Variants in LRRC7 observed in about 807,000 individuals in gnomAD.
LRRC7 encodes leucine rich repeat containing 7.
LRRC7 carries 23 observed loss-of-function variants against 175.7 expected under a neutral mutation model. The ratio of observed to expected loss-of-function variants is 0.13; its 90% CI spans 0.09 to 0.19. LRRC7 has a LOEUF of 0.19. Among genes scored for constraint, LRRC7 ranks in the 10% least tolerant of loss-of-function variants. The pLI is 1.00. For missense variants in LRRC7, 1,354 were observed against 1,904.7 expected (o/e 0.71, Z 5.38); for synonymous variants, 685 against 680.9 (o/e 1.01, Z -0.09).
chr1:69,879,899 C>T (rs1272416944), intron 7 of LRRC7: 1 of 152,206 alleles, frequency 6.6e-6, no homozygotes, highest in Non-Finnish European at 1.5e-5. Context: ...CTGCCTTGGT[C>T]AGGGTGAACG....
intron 7 of LRRC7, among the ~76,000 whole-genome samples, chr1:69,881,738 A>G (rs1686621526): frequency 3.3e-5 from 5 of 151,720 alleles, no homozygotes; most frequent in Admixed American, 3.3e-4. Flanking sequence ...AAATTAACCA[A>G]GAGTGGTAGT....
intron 2 of LRRC7, among the ~76,000 whole-genome samples, chr1:69,698,279 A>C (rs1038766942): frequency 6.6e-6 from 1 of 152,218 alleles, no homozygotes; most frequent in African/African-American, 2.4e-5. Context: ...TAAGACTTGC[A>C]TATATTCAAG....
intron 22 of LRRC7, among the ~76,000 whole-genome samples, chr1:70,052,082 A>ATT (rs1660791983): frequency 6.6e-6 from 1 of 152,108 alleles, no homozygotes; most frequent in Non-Finnish European, 1.5e-5. Flanking sequence ...GGCATAGGAA[A>ATT]CACTGGAGTA....
intron 7 of LRRC7, among the ~76,000 whole-genome samples, chr1:69,886,953 C>T (rs4272571): frequency 0.56 from 85,384 of 151,450 alleles, 24,174 homozygotes; most frequent in East Asian, 0.7. Flanking sequence ...GCCCCCACTC[C>T]CTTGTGGCTT....
intron 7 of LRRC7, among the ~76,000 whole-genome samples, chr1:69,918,785 A>T (rs2101728264): frequency 6.6e-6 from 1 of 152,316 alleles, no homozygotes; most frequent in South Asian, 2.1e-4. Context: ...CTACGGTCAT[A>T]TAAATAAAAT....
At chr1:69,782,061 C>T (rs1458924762) in intron 3 of LRRC7, among the ~76,000 whole-genome samples, 3 of 152,084 alleles carry the variant, frequency 2.0e-5, no homozygotes, top group Non-Finnish European at 4.4e-5. Flanking sequence ...TAAAAGTTAC[C>T]TCCTGAGATT....
chr1:69,763,283 T>A (rs945213935), intron 3 of LRRC7, among the ~76,000 whole-genome samples: 1 of 151,960 alleles, frequency 6.6e-6, no homozygotes, highest in African/African-American at 2.4e-5. Flanking sequence ...CGAAGCTGAC[T>A]TTTCTCATGG....
chr1:70,074,605 C>A (rs941907411), intron 23 of LRRC7, among the ~76,000 whole-genome samples: 2 of 152,108 alleles, frequency 1.3e-5, no homozygotes, highest in African/African-American at 4.8e-5. Flanking sequence ...TTTTTTGCAT[C>A]TTTTCCTCCC....
chr1:69,878,767 ACT>A (rs139124927), intron 7 of LRRC7, among the ~76,000 whole-genome samples: 76 of 150,942 alleles, frequency 5.0e-4, no homozygotes, highest in African/African-American at 1.8e-3. Context: ...GGCAGTGAAG[ACT>A]CTCTGCATGA....
At chr1:69,837,238 G>A (rs906220798) in intron 6 of LRRC7, among the ~76,000 whole-genome samples, 2 of 151,848 alleles carry the variant, frequency 1.3e-5, no homozygotes, top group Admixed American at 6.6e-5. Flanking sequence ...ATTTTTACAT[G>A]CATAACATTT....
chr1:69,691,343 C>A (rs533626842), intron 2 of LRRC7, among the ~76,000 whole-genome samples: 3 of 152,002 alleles, frequency 2.0e-5, no homozygotes, highest in Non-Finnish European at 4.4e-5. Context: ...TGTTTTATCT[C>A]GTTGTTTGCA....
At position 70,013,439 on chromosome 1, in the gene LRRC7, T is replaced by C. The variant is rs541121137; in HGVS notation, c.1250+350T>C. Among the ~76,000 whole-genome samples, 360 of 152,024 alleles carry C rather than the reference T, an allele frequency of 2.4e-3. 1 individual carries two copies. Among genetic ancestry groups the C allele is most frequent in the Non-Finnish European group, 3.9e-3 (262 of 67,834 alleles). The stretch of plus-strand genomic sequence containing the variant: ...ATATTAATAAAAATGTGCATATCTA[T>C]GTATGTATGTATGCACACATTTGTG... On this transcript the variant is annotated intron_variant, in intron 13 of 26. Transcript: ENST00000651989.
At chr1:69,937,648 A>G (rs1648186507) in intron 8 of LRRC7, among the ~76,000 whole-genome samples, 1 of 152,014 alleles carries the variant, frequency 6.6e-6, no homozygotes, top group Non-Finnish European at 1.5e-5. Flanking sequence ...TCAATTTTGG[A>G]AAATTATCAG....
chr1:69,737,715 C>T (rs139937603), intron 2 of LRRC7, among the ~76,000 whole-genome samples: 1 of 151,980 alleles, frequency 6.6e-6, no homozygotes, highest in Non-Finnish European at 1.5e-5. Flanking sequence ...TTAGACACTT[C>T]CCAGAACTCT....
intron 3 of LRRC7, among the ~76,000 whole-genome samples, chr1:69,769,812 G>A (rs1209755489): frequency 6.6e-6 from 1 of 152,080 alleles, no homozygotes; most frequent in East Asian, 1.9e-4. Flanking sequence ...ATAACAGAAA[G>A]TTCTTTTAGT....
intron 1 of LRRC7, among the ~76,000 whole-genome samples, chr1:69,570,359 G>C (rs919116458): frequency 3.9e-5 from 6 of 152,032 alleles, no homozygotes; most frequent in African/African-American, 1.4e-4. Context: ...GCGAAATAGA[G>C]GGAAAATAAG....
At chr1:69,884,491 C>T (rs1262821140) in intron 7 of LRRC7, among the ~76,000 whole-genome samples, 1 of 133,332 alleles carries the variant, frequency 7.5e-6, no homozygotes, top group East Asian at 2.3e-4. Flanking sequence ...GCTGAAGTTG[C>T]TTATCACCTT....
intron 22 of LRRC7, among the ~76,000 whole-genome samples, chr1:70,052,428 C>T (rs1660819456): frequency 6.6e-6 from 1 of 151,880 alleles, no homozygotes; most frequent in Non-Finnish European, 1.5e-5. Context: ...GATTTACTTA[C>T]ACTACGATTC....
At chr1:69,935,423 A>G (rs1182870296) in intron 8 of LRRC7, among the ~76,000 whole-genome samples, 1 of 152,150 alleles carries the variant, frequency 6.6e-6, no homozygotes, top group African/African-American at 2.4e-5. Flanking sequence ...TGTGCATTCT[A>G]TTTTATTTTA....
Sources: gnomAD v4.1 joint callset for allele counts (sites outside exome capture counted in the v4.1 genomes callset) on GRCh38, gnomAD v4.1.1 for gene constraint, MANE v1.5 for transcripts, NCBI Gene and HGNC (gene_info 2026-07-23, HGNC 2026-07-21) for gene names.